The following CCSER1 variants were observed in gnomAD, a reference collection of about 807,000 sequenced individuals.
CCSER1 encodes coiled-coil serine rich protein 1.
Under a neutral mutation model 82.0 loss-of-function variants are expected in CCSER1, and 41 were observed. The ratio of observed to expected loss-of-function variants is 0.50; its 90% confidence interval spans 0.39 to 0.65. CCSER1 has a LOEUF of 0.65. Ranked by LOEUF, CCSER1 falls within the 30% of genes least tolerant of loss-of-function variation. The probability of loss-of-function intolerance (pLI) is 0.00; values close to 1 mark genes in which losing one functional copy is unlikely to be tolerated. For synonymous variants in CCSER1, 414 were observed against 383.9 expected (o/e 1.08, Z -0.92); for missense variants, 1,119 against 1,064.2 (o/e 1.05, Z -0.72).
chr4:90,319,860 AT>A (rs931710125), intron 3 of CCSER1, among the ~76,000 whole-genome samples: 16 of 152,180 alleles, frequency 1.1e-4, no homozygotes, highest in African/African-American at 3.6e-4. Flanking sequence ...AGCCATTAAT[AT>A]TTTTCAGGAA....
chr4:90,612,635 A>G (rs1382746839), intron 5 of CCSER1, among the ~76,000 whole-genome samples: 1 of 152,194 alleles, frequency 6.6e-6, no homozygotes, highest in African/African-American at 2.4e-5. Flanking sequence ...AGAATAGCTT[A>G]TGTATTTTTG....
At chr4:90,615,604 A>T (rs932431281) in intron 5 of CCSER1, among the ~76,000 whole-genome samples, 1 of 152,022 alleles carries the variant, frequency 6.6e-6, no homozygotes, top group Admixed American at 6.6e-5. Context: ...TTAGAAGTGG[A>T]CCCTGAATAT....
chr4:91,319,874 C>T (rs1746077401), intron 10 of CCSER1: 1 of 360,580 alleles, frequency 2.8e-6, no homozygotes, highest in African/African-American at 2.1e-5. Context: ...GTTTCACTTA[C>T]TTGTGGTCAC....
At chr4:91,029,148 C>T (rs1010542378) in intron 9 of CCSER1, among the ~76,000 whole-genome samples, 1 of 151,890 alleles carries the variant, frequency 6.6e-6, no homozygotes, top group African/African-American at 2.4e-5. Context: ...TGTGAATCTG[C>T]TAGTCATAGT....
chr4:91,376,019 G>A (rs1486410784), intron 10 of CCSER1, among the ~76,000 whole-genome samples: 1 of 151,994 alleles, frequency 6.6e-6, no homozygotes, highest in Admixed American at 6.6e-5. Context: ...TAATCTGAAG[G>A]AGAGAAAGAA....
chr4:90,624,264 C>G (rs895937644), intron 5 of CCSER1, among the ~76,000 whole-genome samples: 2 of 152,108 alleles, frequency 1.3e-5, no homozygotes, highest in Non-Finnish European at 2.9e-5. Flanking sequence ...GGGATCAATG[C>G]TATGCAACTG....
chr4:91,111,044 GTATA>G (rs1447230536), intron 10 of CCSER1, among the ~76,000 whole-genome samples: 1 of 151,816 alleles, frequency 6.6e-6, no homozygotes, highest in Non-Finnish European at 1.5e-5. Context: ...AGAAAAATAA[GTATA>G]TAGCCTGATT....
chr4:90,916,362 T>C (rs1369023172), intron 8 of CCSER1, among the ~76,000 whole-genome samples: 2 of 152,066 alleles, frequency 1.3e-5, no homozygotes, highest in African/African-American at 4.8e-5. Context: ...TAATGCCACA[T>C]ATCTACAACT....
intron 5 of CCSER1, among the ~76,000 whole-genome samples, chr4:90,611,143 C>T (rs534439447): frequency 4.1e-4 from 58 of 141,470 alleles, no homozygotes; most frequent in African/African-American, 1.4e-3. Flanking sequence ...AGGTGATCCA[C>T]TCGCCTCAGC....
intron 10 of CCSER1, among the ~76,000 whole-genome samples, chr4:91,301,018 A>G (rs1744622215): frequency 6.6e-6 from 1 of 151,930 alleles, no homozygotes; most frequent in Non-Finnish European, 1.5e-5. Flanking sequence ...AGCTGAGAGG[A>G]AATACTTTTA....
intron 5 of CCSER1, among the ~76,000 whole-genome samples, chr4:90,492,325 C>G (rs1479464646): frequency 6.6e-6 from 1 of 152,120 alleles, no homozygotes; most frequent in African/African-American, 2.4e-5. Flanking sequence ...ATAGTATTCT[C>G]TAATAGTAGT....
At chr4:91,540,696 G>A (rs1195024676) in intron 10 of CCSER1, among the ~76,000 whole-genome samples, 2 of 152,058 alleles carry the variant, frequency 1.3e-5, no homozygotes, top group African/African-American at 2.4e-5. Flanking sequence ...TGAGATCTCT[G>A]ATGCATTTTG....
intron 10 of CCSER1, among the ~76,000 whole-genome samples, chr4:91,204,651 C>T (rs1736199188): frequency 6.6e-6 from 1 of 151,730 alleles, no homozygotes; most frequent in South Asian, 2.1e-4. Context: ...AAAAAAATCA[C>T]TATTTTAATC....
At chr4:90,666,391 G>A (rs1731794475) in intron 6 of CCSER1, among the ~76,000 whole-genome samples, 1 of 152,144 alleles carries the variant, frequency 6.6e-6, no homozygotes, top group African/African-American at 2.4e-5. Flanking sequence ...GAATTTTACT[G>A]CACATGAAGA....
chr4:90,617,380 A>T (rs1057108200), intron 5 of CCSER1, among the ~76,000 whole-genome samples: 24 of 152,296 alleles, frequency 1.6e-4, no homozygotes, highest in South Asian at 4.1e-4. Flanking sequence ...AAGACAATTC[A>T]ATGTTGATAC....
chr4:90,487,578 C>G (rs985145562), intron 5 of CCSER1, among the ~76,000 whole-genome samples: 1 of 152,206 alleles, frequency 6.6e-6, no homozygotes, highest in Non-Finnish European at 1.5e-5. Flanking sequence ...ACACCAGATT[C>G]TAAAAGGGCC....
chr4:91,041,478 C>T (rs72667547), intron 9 of CCSER1, among the ~76,000 whole-genome samples: 39,189 of 151,910 alleles, frequency 0.26, 5,476 homozygotes, highest in Non-Finnish European at 0.31. Context: ...TCTTTATTTC[C>T]GATACTTTGT....
At chr4:91,008,198 T>C (rs971349658) in intron 9 of CCSER1, among the ~76,000 whole-genome samples, 11 of 152,222 alleles carry the variant, frequency 7.2e-5, no homozygotes, top group African/African-American at 1.4e-4. Flanking sequence ...AATATTCTGA[T>C]ATATCCCTCT....
intron 10 of CCSER1, among the ~76,000 whole-genome samples, chr4:91,489,740 A>G (rs2110066128): frequency 6.6e-6 from 1 of 152,252 alleles, no homozygotes. Flanking sequence ...GTGAGCCGAG[A>G]TCGCTCCACT....
Sources: gnomAD v4.1 joint callset for allele counts (sites outside exome capture counted in the v4.1 genomes callset) on GRCh38, gnomAD v4.1.1 for gene constraint, MANE v1.5 for transcripts, NCBI Gene and HGNC (gene_info 2026-07-23, HGNC 2026-07-21) for gene names.